The following SLC26A4 variants were observed in gnomAD, a reference collection of about 807,000 sequenced individuals.
The protein encoded by SLC26A4 is solute carrier family 26 member 4, also known as pendrin.
SLC26A4 carries 93 observed loss-of-function variants against 90.4 expected under a neutral mutation model. That is an observed-to-expected ratio of 1.03 (90% CI 0.87 to 1.22). The LOEUF (loss-of-function observed/expected upper bound fraction) is 1.22, where lower values mean the gene tolerates loss of function less well. Among genes scored for constraint, SLC26A4 ranks in the 50% most tolerant of loss-of-function variants. The probability of loss-of-function intolerance (pLI) is 0.00; values close to 1 mark genes in which losing one functional copy is unlikely to be tolerated. For missense variants in SLC26A4, 1,127 were observed against 946.2 expected (o/e 1.19, Z -2.51); for synonymous variants, 393 against 354.6 (o/e 1.11, Z -1.22).
At position 107,710,163 on chromosome 7, in the gene SLC26A4, G is replaced by A. The variant is rs748146381; in HGVS notation, c.2199G>A (p.Val733=). ...CTATACTCTATCTACAGAACCAAGT[G>A]AAATCTCAAGAGGGTCAAGGTTCCA... The part of the protein sequence containing the change: ...HDAILYLQNQ[V]KSQEGQGSIL... The change falls in exon 19 of 21, where the codon GTG becomes GTA. Residue 733 remains valine (V), a synonymous_variant. Coordinates refer to ENST00000644269, the MANE Select transcript of SLC26A4 (RefSeq NM_000441.2). 5 of 1,608,148 alleles carry A rather than the reference G, an allele frequency of 3.1e-6. No homozygotes were observed. Among genetic ancestry groups the A allele is most frequent in the Non-Finnish European group, 8.5e-7 (1 of 1,174,734 alleles).
At position 107,712,570 on chromosome 7, in the gene SLC26A4, T is replaced by C. The variant is rs1209730537; in HGVS notation, c.2267T>C (p.Leu756Pro). 3.1e-6 allele frequency: 5 copies of C among 1,591,660 alleles called. No individual in the cohort carries two copies. The highest frequency in any genetic ancestry group is 4.3e-6 in the Non-Finnish European group (5 of 1,159,728). ...CTCATTCAGGATTGTAAAGATACCC[T>C]TGAATTAATAGAAACAGAGCTGACG... Reference protein sequence around the residue: ...ITLIQDCKDTLELIETELTEE... With the variant: ...ITLIQDCKDTPELIETELTEE... Residue 756 changes from leucine (L) to proline (P), a missense_variant, in exon 20 of 21, where the codon CTT becomes CCT. Leu to Pro is a moderately conservative substitution (Grantham distance 98). Coordinates refer to ENST00000644269, the MANE Select transcript of SLC26A4 (RefSeq NM_000441.2).
intron 6 of SLC26A4, among the ~76,000 whole-genome samples, chr7:107,679,792 C>T (rs1473839172): frequency 7.1e-6 from 1 of 140,926 alleles, no homozygotes; most frequent in East Asian, 2.0e-4. Context: ...ATTTCTATGT[C>T]GTTAAATATA....
intron 3 of SLC26A4, among the ~76,000 whole-genome samples, chr7:107,670,597 G>A (rs1397649451): frequency 6.6e-6 from 1 of 152,042 alleles, no homozygotes; most frequent in Non-Finnish European, 1.5e-5. Flanking sequence ...ATAGAATTAC[G>A]AAGTATGAAG....
intron 3 of SLC26A4, among the ~76,000 whole-genome samples, chr7:107,667,460 T>TAAAAAAAAAAA (rs1562820547): frequency 3.8e-5 from 1 of 26,426 alleles, no homozygotes; most frequent in Admixed American, 6.9e-4. Context: ...GAGAGAAGGT[T>TAAAAAAAAAAA]TAAAAAAAAA....
At position 107,700,013 on chromosome 7, in the gene SLC26A4, T is replaced by C. The variant is rs565552930; in HGVS notation, c.1615-70T>C. 9 of 917,194 alleles carry C rather than the reference T, an allele frequency of 9.8e-6. No homozygotes were observed. In the East Asian group the frequency reaches 1.9e-4, roughly 20 times the overall value. 56.8% of individuals were successfully genotyped at this position (917,194 alleles called of 1,614,324 possible). A position where few individuals can be genotyped will look rare whatever the true frequency, so the allele number is the denominator to read the frequency against. On this transcript the variant is annotated intron_variant, in intron 14 of 20. Transcript: ENST00000644269. ...AACTGTGACTTGACTCCTTGCTAAG[T>C]AGCCAGAAATGTAATTAAATACTTG...
In SLC26A4 at chr7:107,700,108, T is replaced by C. The variant is rs769931208; in HGVS notation, c.1640T>C (p.Ile547Thr). 6 of 1,581,286 alleles carry C rather than the reference T, an allele frequency of 3.8e-6. No individual in the cohort carries two copies. Among genetic ancestry groups the C allele is most frequent in the Middle Eastern group, 1.7e-4 (1 of 6,000 alleles). Residue 547 changes from isoleucine (I) to threonine (T), a missense_variant, in exon 15 of 21, where the codon ATT becomes ACT. Ile to Thr is a moderately conservative substitution (Grantham distance 89). Coordinates refer to ENST00000644269, the MANE Select transcript of SLC26A4 (RefSeq NM_000441.2). ...ATTGAAGAACCTCAAGGAGTGAAGA[T>C]TCTTAGATTTTCCAGTCCTATTTTC... ...KNIEEPQGVK[I>T]LRFSSPIFYG...
chr7:107,712,626 TG>T lies in SLC26A4; in HGVS notation c.2319+5del. On this transcript the variant is annotated splice_donor_5th_base_variant and intron_variant, in intron 20 of 20. Transcript: ENST00000644269. ...AGAACTTGATGTCCAGGATGAGGTA[TG>T]ATCATTTTCTTCTGAAGAAAATATT... is the stretch of plus-strand genomic sequence containing the variant. 6.8e-7 allele frequency: 1 copy of T among 1,465,312 alleles called. No homozygotes were observed. Among genetic ancestry groups the T allele is most frequent in the Non-Finnish European group, 9.6e-7 (1 of 1,044,570 alleles). 90.8% of individuals were successfully genotyped at this position (1,465,312 alleles called of 1,614,324 possible). A position where few individuals can be genotyped will look rare whatever the true frequency, so the allele number is the denominator to read the frequency against.
intron 18 of SLC26A4, 77 bp from the exon 19 acceptor site, chr7:107,709,977 A>G: frequency 8.0e-7 from 1 of 1,257,828 alleles, no homozygotes; most frequent in East Asian, 2.3e-5. Flanking sequence ...TGGGCAATAG[A>G]ATGAGACTCT....
intron 3 of SLC26A4, among the ~76,000 whole-genome samples, chr7:107,665,962 G>T (rs1340811001): frequency 2.0e-5 from 3 of 152,058 alleles, no homozygotes; most frequent in African/African-American, 2.4e-5. Context: ...GGTTAATCTG[G>T]CTCAGTTACA....
intron 18 of SLC26A4, among the ~76,000 whole-genome samples, chr7:107,706,502 G>T (rs1228914845): frequency 6.6e-6 from 1 of 152,192 alleles, no homozygotes; most frequent in Non-Finnish European, 1.5e-5. Context: ...AGGAATCTCA[G>T]ATTGGACTTT....
chr7:107,700,050 T>C, intron 14 of SLC26A4, 33 bp from the exon 15 acceptor site: 3 of 1,216,358 alleles, frequency 2.5e-6, no homozygotes, highest in South Asian at 1.2e-5. Context: ...GGCTTGAAAT[T>C]ATTTAATCCC....
chr7:107,714,075 C>T (rs1337458240), intron 20 of SLC26A4, among the ~76,000 whole-genome samples: 1 of 97,938 alleles, frequency 1.0e-5, no homozygotes, highest in East Asian at 4.1e-4. Flanking sequence ...CTCGCCACCA[C>T]GTCCAGATAA....
At chr7:107,666,213 G>A (rs1790707875) in intron 3 of SLC26A4, among the ~76,000 whole-genome samples, 1 of 152,118 alleles carries the variant, frequency 6.6e-6, no homozygotes, top group Non-Finnish European at 1.5e-5. Flanking sequence ...TAATTTGAAA[G>A]GTGGATCTTT....
chr7:107,661,716 G>C lies in SLC26A4; in HGVS notation c.75G>C (p.Pro25=), dbSNP rs570668954. Residue 25 remains proline, a synonymous_variant, in exon 2 of 21, where the codon CCG becomes CCC. Coordinates refer to ENST00000644269, the MANE Select transcript of SLC26A4 (RefSeq NM_000441.2). The surrounding 1 kb of genome is among the most constrained non-coding windows in gnomAD (Gnocchi z 5.1). ...EYSCSYMVSR[P]VYSELAFQQQ... ...GCTGCAGCTACATGGTGTCGCGGCC[G>C]GTCTACAGCGAGCTCGCTTTCCAGC... 11 of 1,563,624 alleles carry C rather than the reference G, an allele frequency of 7.0e-6. No homozygotes were observed. The South Asian group carries it at 1.2e-4, about 17-fold the overall frequency.
At chr7:107,683,061 C>G in intron 6 of SLC26A4, 141 bp from the exon 7 acceptor site, 1 of 663,790 alleles carries the variant, frequency 1.5e-6, no homozygotes, top group Non-Finnish European at 2.6e-6. Context: ...TTTACTGAAA[C>G]TTTTGAGTGT....
Position 107,691,724 on chromosome 7 carries a change from T to C in SLC26A4, c.1263+1487T>C. ...TGGAAGAATTGGCCTCTTCCAGTTT[T>C]TTGGCTGCTTTTCAACAAAAAATTT... On this transcript the variant is annotated intron_variant, in intron 10 of 20. Coordinates refer to ENST00000644269, the MANE Select transcript of SLC26A4 (RefSeq NM_000441.2). 3.7e-6 allele frequency: 3 copies of C among 802,470 alleles called. No homozygotes were observed. In the South Asian group the frequency reaches 1.7e-4, roughly 46 times the overall value. 49.7% of individuals were successfully genotyped at this position (802,470 alleles called of 1,614,324 possible).
intron 18 of SLC26A4, among the ~76,000 whole-genome samples, chr7:107,706,488 G>T (rs779208959): frequency 8.5e-5 from 13 of 152,188 alleles, no homozygotes; most frequent in Non-Finnish European, 1.6e-4. Context: ...TAGAAATTTT[G>T]ACAAGGAATC....
intron 6 of SLC26A4, among the ~76,000 whole-genome samples, chr7:107,681,746 C>T (rs184312714): frequency 6.6e-6 from 1 of 152,142 alleles, no homozygotes; most frequent in East Asian, 1.9e-4. Context: ...CTCCTATTTA[C>T]AAAACAAAAC....
Position 107,692,150 on chromosome 7 carries a change from C to A in SLC26A4, c.1263+1913C>A, listed in dbSNP as rs1436929523. 3.5e-6 allele frequency: 4 copies of A among 1,146,964 alleles called. No homozygotes were observed. The South Asian group carries it at 4.2e-5, about 12-fold the overall frequency. The allele number at this position is 1,146,964 out of a possible 1,614,324, so 71.0% of individuals were successfully genotyped here. On this transcript the variant is annotated intron_variant, in intron 10 of 20. Transcript: ENST00000644269. ...ATAATGGTGCTCTGGTAAGCTAATA[C>A]CCCCTGCCACATACTGGCATGTATT...
Sources: allele counts gnomAD v4.1 joint callset (sites outside exome capture counted in the v4.1 genomes callset), GRCh38; gene constraint gnomAD v4.1.1; non-coding constraint Gnocchi (gnomAD v3.1); transcripts MANE v1.5; gene names NCBI Gene and HGNC (gene_info 2026-07-23, HGNC 2026-07-21).